DAAM1: variants seen among roughly 807,000 people sequenced by gnomAD.
DAAM1 encodes disheveled-associated activator of morphogenesis 1.
DAAM1 carries 52 observed loss-of-function variants against 130.0 expected under a neutral mutation model. The observed-to-expected ratio is 0.40, with a 90% CI of 0.32 to 0.50. The LOEUF (loss-of-function observed/expected upper bound fraction) is 0.50. DAAM1 is among the 20% of genes least tolerant of loss of function. DAAM1 has a pLI of 0.61. For missense variants in DAAM1, 1,134 were observed against 1,303.8 expected (o/e 0.87, Z 2.01); for synonymous variants, 452 against 444.5 (o/e 1.02, Z -0.21).
chr14:59,306,921 T>TG (rs1884400507), intron 3 of DAAM1, among the ~76,000 whole-genome samples: 1 of 152,060 alleles, frequency 6.6e-6, no homozygotes, highest in African/African-American at 2.4e-5. Context: ...ATGGTCAGAA[T>TG]GGGGTAGGTG....
chr14:59,371,388 GAATT>G lies in DAAM1; in HGVS notation c.*2530_*2533del, dbSNP rs1887169731. 1 of 152,052 alleles carries G rather than the reference GAATT, an allele frequency of 6.6e-6. No homozygotes were observed. The highest frequency in any genetic ancestry group is 1.5e-5 in the Non-Finnish European group (1 of 67,990). 9.4% of individuals were successfully genotyped at this position (152,052 alleles called of 1,614,324 possible). A position where few individuals can be genotyped will look rare whatever the true frequency, so the allele number is the denominator to read the frequency against. ...AAATAGCAATATGCAATAAAGAGAT[GAATT>G]CATTGGGTGTACATATATGCTTTCT... is the stretch of plus-strand genomic sequence containing the variant. On this transcript the variant is annotated 3_prime_UTR_variant, in exon 25 of 25. Transcript: ENST00000360909.
chr14:59,217,970 C>CA (rs529262981), intron 1 of DAAM1, among the ~76,000 whole-genome samples: 1,466 of 109,684 alleles, frequency 0.013, 19 homozygotes, highest in South Asian at 0.059. Flanking sequence ...GACTCTGTCT[C>CA]AAAAAAAAAA....
intron 3 of DAAM1, among the ~76,000 whole-genome samples, chr14:59,291,751 C>G (rs1412065665): frequency 6.6e-6 from 1 of 152,110 alleles, no homozygotes; most frequent in African/African-American, 2.4e-5. Flanking sequence ...TCCAAACCAG[C>G]GATGGAAGAA....
chr14:59,329,523 G>A (rs1363870887), intron 12 of DAAM1, among the ~76,000 whole-genome samples: 1 of 152,170 alleles, frequency 6.6e-6, no homozygotes, highest in African/African-American at 2.4e-5. Flanking sequence ...AAATGTGTTA[G>A]CAAATTCAGA....
intron 2 of DAAM1, among the ~76,000 whole-genome samples, chr14:59,281,303 C>T (rs748063944): frequency 9.2e-5 from 14 of 152,234 alleles, no homozygotes; most frequent in Non-Finnish European, 1.8e-4. Context: ...AGCAGGGGGA[C>T]CCCTTGCCCT....
At chr14:59,325,866 G>T in intron 9 of DAAM1, 94 bp from the exon 10 acceptor site, 3 of 1,513,978 alleles carry the variant, frequency 2.0e-6, no homozygotes, top group Non-Finnish European at 2.7e-6. Context: ...TTCCTAAGTG[G>T]CAGGATTAGC....
intron 1 of DAAM1, among the ~76,000 whole-genome samples, chr14:59,260,617 C>T (rs1882119635): frequency 6.6e-6 from 1 of 152,098 alleles, no homozygotes; most frequent in Admixed American, 6.5e-5. Flanking sequence ...ATTCTATGCC[C>T]TTATTTGCTC....
rs1007744375 is a variant in DAAM1, at chr14:59,288,138, C to A, written c.184-3079C>A. 3.3e-5 allele frequency among the ~76,000 whole-genome samples: 5 copies of A among 152,180 alleles called. No individual in the cohort carries two copies. In the South Asian group the frequency reaches 1.0e-3, roughly 31 times the overall value. On this transcript the variant is annotated intron_variant, in intron 2 of 24. Coordinates refer to ENST00000360909, the MANE Select transcript of DAAM1 (RefSeq NM_001270520.2). ...AGCCACACACCTACAACCACCTGAT[C>A]TCTAACAAAGTTGACAATAACAAAC...
intron 1 of DAAM1, among the ~76,000 whole-genome samples, chr14:59,224,530 G>A (rs183851031): frequency 3.3e-5 from 5 of 152,210 alleles, no homozygotes; most frequent in Admixed American, 3.3e-4. Context: ...CAGGCTTACA[G>A]CTGGAAGGGA....
At chr14:59,335,211 A>G (rs191663045) in intron 15 of DAAM1, among the ~76,000 whole-genome samples, 34 of 152,326 alleles carry the variant, frequency 2.2e-4, no homozygotes, top group African/African-American at 8.2e-4. Flanking sequence ...CTTTAAGAAC[A>G]AGACTACTCC....
chr14:59,235,760 T>G (rs1303919920), intron 1 of DAAM1, among the ~76,000 whole-genome samples: 1 of 152,228 alleles, frequency 6.6e-6, no homozygotes, highest in Non-Finnish European at 1.5e-5. Context: ...CTTTCTAGCT[T>G]TCTGATGTGG....
intron 1 of DAAM1, among the ~76,000 whole-genome samples, chr14:59,247,554 G>T (rs1357156572): frequency 6.6e-6 from 1 of 152,024 alleles, no homozygotes; most frequent in Non-Finnish European, 1.5e-5. Context: ...ATTACTTTCA[G>T]AAATGTTTTT....
intron 11 of DAAM1, 67 bp downstream of exon 11, chr14:59,326,715 C>T (rs1260760003): frequency 6.3e-7 from 1 of 1,581,694 alleles, no homozygotes; most frequent in Admixed American, 1.8e-5. Context: ...TTTTATCCTA[C>T]TTCAGAGTAA....
intron 2 of DAAM1, among the ~76,000 whole-genome samples, chr14:59,282,461 G>GTAAGCCATAAAGCCACATC (rs1169957974): frequency 8.1e-4 from 123 of 152,260 alleles, no homozygotes; most frequent in African/African-American, 2.9e-3. Context: ...GCAAGGTTAC[G>GTAAGCCATAAAGCCACATC]TAAGCCATAA....
chr14:59,195,018 C>A (rs1413509474), intron 1 of DAAM1, among the ~76,000 whole-genome samples: 1 of 152,142 alleles, frequency 6.6e-6, no homozygotes, highest in Non-Finnish European at 1.5e-5. Context: ...CGGCATATTG[C>A]CAGGAAGGGA....
chr14:59,239,115 G>T (rs556566302), intron 1 of DAAM1, among the ~76,000 whole-genome samples: 1 of 152,030 alleles, frequency 6.6e-6, no homozygotes. Context: ...TTTCTCTCAG[G>T]GTTGTTGGGA....
At chr14:59,202,656 G>C (rs1196856064) in intron 1 of DAAM1, among the ~76,000 whole-genome samples, 2 of 152,194 alleles carry the variant, frequency 1.3e-5, no homozygotes, top group Non-Finnish European at 2.9e-5. Flanking sequence ...TCTGTCTTCA[G>C]CTTCTGAAAT....
chr14:59,272,010 TTGTTTA>T (rs1882731498), intron 2 of DAAM1, among the ~76,000 whole-genome samples: 1 of 152,170 alleles, frequency 6.6e-6, no homozygotes, highest in African/African-American at 2.4e-5. Flanking sequence ...TTTTAATCTA[TTGTTTA>T]TTAGAGTATA....
intron 22 of DAAM1, chr14:59,363,075 A>ATAATT (rs1886774194): frequency 6.6e-6 from 1 of 152,620 alleles, no homozygotes; most frequent in African/African-American, 2.4e-5. Context: ...GGAAATATGG[A>ATAATT]TAATTAACAA....
Sources: allele counts gnomAD v4.1 joint callset (sites outside exome capture counted in the v4.1 genomes callset), GRCh38; gene constraint gnomAD v4.1.1; transcripts MANE v1.5; gene names NCBI Gene and HGNC (gene_info 2026-07-23, HGNC 2026-07-21).